RBM23: variants seen among roughly 807,000 people sequenced by gnomAD.
RBM23 encodes the protein RNA binding motif protein 23.
RBM23 carries 53 observed loss-of-function variants against 56.2 expected under a neutral mutation model. The observed-to-expected ratio is 0.94, with a 90% CI of 0.76 to 1.19. The LOEUF (loss-of-function observed/expected upper bound fraction) is 1.19, where lower values mean the gene tolerates loss of function less well. RBM23 is among the 50% of genes most tolerant of loss of function. The probability of loss-of-function intolerance (pLI) is 0.00; values close to 1 mark genes in which losing one functional copy is unlikely to be tolerated. For missense variants in RBM23, 642 were observed against 590.3 expected (o/e 1.09, Z -0.91); for synonymous variants, 197 against 198.5 (o/e 0.99, Z 0.06).
At chr14:22,910,543 A>G (rs2042333603) in intron 2 of RBM23, among the ~76,000 whole-genome samples, 1 of 148,310 alleles carries the variant, frequency 6.7e-6, no homozygotes, top group Non-Finnish European at 1.5e-5. Context: ...AGGAGAGGGC[A>G]GAGGGAGGGA....
In RBM23 at chr14:22,909,608, C is replaced by T. The variant is rs1421306269; in HGVS notation, c.67-13G>A. ...TTTGTTGCTCATCCTGAGGCATTCACCAGGAAAATGTCACAAGGTATAAGG... is the reference window on the plus strand; with the variant it reads ...TTTGTTGCTCATCCTGAGGCATTCATCAGGAAAATGTCACAAGGTATAAGG... On this transcript the variant is annotated splice_polypyrimidine_tract_variant and intron_variant, in intron 2 of 13. Transcript: ENST00000359890. 1 of 1,597,704 alleles carries T rather than the reference C, an allele frequency of 6.3e-7. No homozygotes were observed. The highest frequency in any genetic ancestry group is 8.6e-7 in the Non-Finnish European group (1 of 1,165,966).
At chr14:22,902,717 G>A (rs1343355814) in intron 10 of RBM23, 1 of 1,022,740 alleles carries the variant, frequency 9.8e-7, no homozygotes, top group African/African-American at 1.7e-5. Flanking sequence ...CAAGGCTCCT[G>A]GGCTTTTAAT....
rs1441711475 is a variant in RBM23, at chr14:22,894,612, G to A, written c.*7118C>T. The stretch of plus-strand genomic sequence containing the variant: ...TGGGTGCCTGTAATTCCAGCTACTC[G>A]GGAGGCTGAGGTGGGAGAATCACTT... On this transcript the variant is annotated 3_prime_UTR_variant, in exon 14 of 14. Transcript: ENST00000359890. The A allele has an allele frequency of 6.6e-6, 1 of 152,212 alleles. No individual in the cohort carries two copies. Among genetic ancestry groups the A allele is most frequent in the African/African-American group, 2.4e-5 (1 of 41,424 alleles). The allele number at this position is 152,212 out of a possible 1,614,324, so 9.4% of individuals were successfully genotyped here. A position where few individuals can be genotyped will look rare whatever the true frequency, so the allele number is the denominator to read the frequency against.
intron 1 of RBM23, chr14:22,917,513 A>G (rs919112687): frequency 4.6e-5 from 7 of 152,190 alleles, no homozygotes; most frequent in East Asian, 1.9e-4. Flanking sequence ...GCTAAAAGCA[A>G]TAAGGTAGCA....
intron 12 of RBM23, 27 bp from the exon 13 acceptor site, chr14:22,901,910 G>T (rs751277382): frequency 5.6e-6 from 9 of 1,614,012 alleles, no homozygotes; most frequent in Non-Finnish European, 6.8e-6. Flanking sequence ...CAGAGTGAGT[G>T]AGCAAGCACC....
rs34246954 is a variant in RBM23, at chr14:22,905,359, C to T, written c.550G>A (p.Asp184Asn). ...AARIRPRDLE[D>N]FFSAVGKVRD... The stretch of plus-strand genomic sequence containing the variant: ...ACCTTGCCTACAGCAGAGAAAAAGT[C>T]CTCCAGATCTCGAGGCCGAATTCGG... The change falls in exon 7 of 14, where the codon GAC becomes AAC. Residue 184 changes from aspartate to asparagine, a missense_variant. Coordinates refer to ENST00000359890, the MANE Select transcript of RBM23 (RefSeq NM_001077351.2). 2,674 of 1,614,072 alleles carry T rather than the reference C, an allele frequency of 1.7e-3. 33 individuals carry two copies. The African/African-American group carries it at 0.032, about 20-fold the overall frequency.
chr14:22,909,672 G>A, intron 2 of RBM23, 77 bp from the exon 3 acceptor site: 2 of 1,072,988 alleles, frequency 1.9e-6, no homozygotes, highest in South Asian at 2.6e-5. Context: ...AGGGAACAAA[G>A]GTGGACAAGG....
At chr14:22,909,671 A>T in intron 2 of RBM23, 76 bp from the exon 3 acceptor site, 4 of 1,074,968 alleles carry the variant, frequency 3.7e-6, no homozygotes, top group Non-Finnish European at 5.7e-6. Context: ...AAGGGAACAA[A>T]GGTGGACAAG....
chr14:22,902,179 T>G lies in RBM23; in HGVS notation c.1126+8A>C. The stretch of plus-strand genomic sequence containing the variant: ...CCCCATAATCTTCACCTTGCGGAGA[T>G]ATTTTACCTTCTGCCAGTTTTGCCA... On this transcript the variant is annotated splice_region_variant and intron_variant, in intron 11 of 13. Coordinates refer to ENST00000359890, the MANE Select transcript of RBM23 (RefSeq NM_001077351.2). The G allele has an allele frequency of 6.2e-7, 1 of 1,613,164 alleles. No individual in the cohort carries two copies. The highest frequency in any genetic ancestry group is 8.5e-7 in the Non-Finnish European group (1 of 1,179,152).
chr14:22,918,850 AAAAC>A (rs1226947579), intron 1 of RBM23, 145 bp downstream of exon 1: 1 of 152,214 alleles, frequency 6.6e-6, no homozygotes, highest in Non-Finnish European at 1.5e-5. Context: ...CTTCCAGGTC[AAAAC>A]AAACAAAGGT....
At chr14:22,906,437 A>G (rs2041575598) in intron 4 of RBM23, 69 bp from the exon 5 acceptor site, 2 of 1,554,630 alleles carry the variant, frequency 1.3e-6, no homozygotes, top group South Asian at 2.3e-5. Context: ...CATATACAAC[A>G]GTGGTCCCAT....
Position 22,902,341 on chromosome 14 carries a change from C to G in RBM23, c.972G>C (p.Leu324Phe), listed in dbSNP as rs866132727. The change falls in exon 11 of 14, where the codon TTG becomes TTC. Residue 324 changes from leucine (L) to phenylalanine (F), a missense_variant. Coordinates refer to ENST00000359890, the MANE Select transcript of RBM23 (RefSeq NM_001077351.2). The part of the protein sequence containing the change: ...SECARRALEQ[L>F]NGFELAGRPM... ...GTCGACCAGCAAGCTCAAACCCATT[C>G]AACTGTTCCAGGGCCCGCCGGGCAC... is the stretch of plus-strand genomic sequence containing the variant. The G allele has an allele frequency of 2.5e-6, 4 of 1,614,082 alleles. No individual in the cohort carries two copies. The Middle Eastern group carries it at 6.6e-4, about 266-fold the overall frequency.
intron 1 of RBM23, among the ~76,000 whole-genome samples, chr14:22,916,814 G>A (rs1177254008): frequency 1.3e-5 from 2 of 152,064 alleles, no homozygotes; most frequent in East Asian, 1.9e-4. Context: ...TACAGTGTAT[G>A]CTTAAAGGTA....
chr14:22,917,573 G>GC (rs1555350094), intron 1 of RBM23: 1 of 139,422 alleles, frequency 7.2e-6, no homozygotes, highest in Non-Finnish European at 1.6e-5. Flanking sequence ...CTTCTTTTTT[G>GC]TTTTTTTTTT....
Position 22,902,094 on chromosome 14 carries a change from C to G in RBM23, c.1132G>C (p.Gly378Arg). The change falls in exon 12 of 14, where the codon GGA becomes CGA. Residue 378 changes from glycine to arginine, a missense_variant. Physicochemically the swap from Gly to Arg is moderately radical, Grantham distance 125. Transcript: ENST00000359890. ...GCAGCAGTGCTTGGCAGTTGGATTC[C>G]AGCGCCTAAAAGGAAAAGAAAAGGT... ...QLMAKLAEGA[G>R]IQLPSTAAAA... 1 of 1,608,642 alleles carries G rather than the reference C, an allele frequency of 6.2e-7. No homozygotes were observed. Among genetic ancestry groups the G allele is most frequent in the South Asian group, 1.1e-5 (1 of 90,542 alleles).
intron 1 of RBM23, among the ~76,000 whole-genome samples, chr14:22,918,287 C>A (rs2043919761): frequency 6.6e-6 from 1 of 151,784 alleles, no homozygotes; most frequent in Non-Finnish European, 1.5e-5. Context: ...CCCAGCTACT[C>A]GGGAGGCTGA....
chr14:22,904,971 T>C lies in RBM23; in HGVS notation c.768A>G (p.Gln256=), dbSNP rs760004429. 2.5e-6 allele frequency: 4 copies of C among 1,614,096 alleles called. No homozygotes were observed. The change falls in exon 9 of 14, where the codon CAA becomes CAG. Residue 256 remains glutamine (Q), a synonymous_variant. Transcript: ENST00000359890. ...GGCGCATTGGTCCACCATTGCCCTT[T>C]TGCAGGTTGTTGGCCATGGCTGCCA... The part of the protein sequence containing the change: ...NRLAAMANNL[Q]KGNGGPMRLY...
In RBM23 at chr14:22,896,907, C is replaced by G. The variant is rs1385356608; in HGVS notation, c.*4823G>C. The stretch of plus-strand genomic sequence containing the variant: ...TAGAAGATTCAGATATGCAGCTTCT[C>G]AGACCGGAATTCCTTTCCTGCATCC... On this transcript the variant is annotated 3_prime_UTR_variant, in exon 14 of 14. Coordinates refer to ENST00000359890, the MANE Select transcript of RBM23 (RefSeq NM_001077351.2). The G allele has an allele frequency of 1.3e-5, 2 of 152,224 alleles. No homozygotes were observed. Among genetic ancestry groups the G allele is most frequent in the Non-Finnish European group, 2.9e-5 (2 of 68,040 alleles). The allele number at this position is 152,224 out of a possible 1,614,324, so 9.4% of individuals were successfully genotyped here. A position where few individuals can be genotyped will look rare whatever the true frequency, so the allele number is the denominator to read the frequency against.
intron 1 of RBM23, among the ~76,000 whole-genome samples, chr14:22,918,657 T>C (rs999001201): frequency 1.8e-4 from 28 of 152,104 alleles, no homozygotes; most frequent in African/African-American, 6.8e-4. Flanking sequence ...ATGCGTGTCC[T>C]CTCAGGCCGC....
Sources: allele counts gnomAD v4.1 joint callset (sites outside exome capture counted in the v4.1 genomes callset), GRCh38; gene constraint gnomAD v4.1.1; transcripts MANE v1.5; gene names NCBI Gene and HGNC (gene_info 2026-07-23, HGNC 2026-07-21).